Variants in ARHGAP19 observed in about 807,000 individuals in gnomAD.
ARHGAP19 encodes the protein rho GTPase-activating protein 19.
Under a neutral mutation model 60.9 loss-of-function variants are expected in ARHGAP19, and 48 were observed. That is an observed-to-expected ratio of 0.79 (90% CI 0.62 to 1.00). The LOEUF is 1.00. Ranked by LOEUF, ARHGAP19 falls within the 50% of genes least tolerant of loss-of-function variation. The pLI, the probability that ARHGAP19 is intolerant of heterozygous loss-of-function variation, is 0.00. For missense variants in ARHGAP19, 562 were observed against 597.2 expected (o/e 0.94, Z 0.61); for synonymous variants, 209 against 215.5 (o/e 0.97, Z 0.27).
intron 9 of ARHGAP19, among the ~76,000 whole-genome samples, chr10:97,232,365 G>A (rs1052656156): frequency 2.6e-5 from 4 of 151,752 alleles, no homozygotes; most frequent in East Asian, 1.9e-4. Context: ...GAGTTTCACC[G>A]TGTTAGCCAG....
At chr10:97,265,675 AT>A (rs1200924750) in intron 2 of ARHGAP19, 184 bp downstream of exon 2, 2 of 636,168 alleles carry the variant, frequency 3.1e-6, no homozygotes, top group African/African-American at 3.7e-5. Flanking sequence ...TTAATTATTT[AT>A]TTATCTAGAC....
In ARHGAP19 at chr10:97,225,315, AAC is replaced by A. The variant is rs1850875880; in HGVS notation, c.*805_*806del. The stretch of plus-strand genomic sequence containing the variant: ...TGAATGAAGATAACAAGTTCAGCAA[AAC>A]ACAATTATTTTCACATCACTGAGGA... On this transcript the variant is annotated 3_prime_UTR_variant, in exon 12 of 12. Coordinates refer to ENST00000358531, the MANE Select transcript of ARHGAP19 (RefSeq NM_032900.6). 1 of 152,232 alleles carries A rather than the reference AAC, an allele frequency of 6.6e-6. No homozygotes were observed. The highest frequency in any genetic ancestry group is 2.4e-5 in the African/African-American group (1 of 41,464). 9.4% of individuals were successfully genotyped at this position (152,232 alleles called of 1,614,324 possible).
At position 97,231,080 on chromosome 10, in the gene ARHGAP19, A is replaced by G. The variant is rs1371397441; in HGVS notation, c.1285-1206T>C. Among the ~76,000 whole-genome samples the G allele has an allele frequency of 2.7e-5, 4 of 148,688 alleles. 1 individual carries two copies. The highest frequency in any genetic ancestry group is 2.7e-4 in the Admixed American group (4 of 15,054). On this transcript the variant is annotated intron_variant, in intron 9 of 11. Transcript: ENST00000358531. ...TCACCAAAAAAAAAAAAAAAAAAAA[A>G]AAAAAAAAAGACTAACACATAGAGG... is the stretch of plus-strand genomic sequence containing the variant.
chr10:97,270,001 C>T (rs978629875), intron 1 of ARHGAP19, among the ~76,000 whole-genome samples: 1 of 152,106 alleles, frequency 6.6e-6, no homozygotes, highest in Admixed American at 6.6e-5. Context: ...ATCCTTCCTA[C>T]TTGGACATCA....
chr10:97,278,576 T>C (rs183292848), intron 1 of ARHGAP19, among the ~76,000 whole-genome samples: 87 of 152,224 alleles, frequency 5.7e-4, no homozygotes, highest in Non-Finnish European at 9.4e-4. Flanking sequence ...TGGCCTATCA[T>C]GTCAAAGTGG....
chr10:97,240,107 A>T (rs553388180), intron 8 of ARHGAP19, among the ~76,000 whole-genome samples: 44 of 151,918 alleles, frequency 2.9e-4, no homozygotes, highest in African/African-American at 9.7e-4. Context: ...ATTTAAGCAA[A>T]CTGGCAATGT....
At chr10:97,242,509 T>C (rs550540576) in intron 8 of ARHGAP19, among the ~76,000 whole-genome samples, 2 of 149,404 alleles carry the variant, frequency 1.3e-5, no homozygotes, top group Admixed American at 1.3e-4. Context: ...AATTTTTTTG[T>C]TTTGTTTTGT....
At chr10:97,250,369 T>C (rs1275300193) in intron 6 of ARHGAP19, among the ~76,000 whole-genome samples, 1 of 145,456 alleles carries the variant, frequency 6.9e-6, no homozygotes, top group African/African-American at 2.5e-5. Context: ...AAACATGATA[T>C]GTATAGTTTA....
At position 97,225,798 on chromosome 10, in the gene ARHGAP19, T is replaced by C. The variant is rs578069856; in HGVS notation, c.*324A>G. 2.4e-4 allele frequency: 66 copies of C among 271,652 alleles called. No individual in the cohort carries two copies. In the South Asian group the frequency reaches 6.8e-3, roughly 28 times the overall value. The allele number at this position is 271,652 out of a possible 1,614,324, so 16.8% of individuals were successfully genotyped here. On this transcript the variant is annotated 3_prime_UTR_variant, in exon 12 of 12. Coordinates refer to ENST00000358531, the MANE Select transcript of ARHGAP19 (RefSeq NM_032900.6). ...TTGAGCACACATTTCATATTTTTTT[T>C]CAAAAGTGGAATCTGCCTAAACACA...
In ARHGAP19 at chr10:97,283,435, T is replaced by G. The variant is rs139786690; in HGVS notation, c.56+9137A>C. Among the ~76,000 whole-genome samples the G allele has an allele frequency of 9.9e-3, 1,495 of 151,732 alleles. 33 individuals are homozygous for G. Among genetic ancestry groups the G allele is most frequent in the African/African-American group, 0.034 (1,415 of 41,368 alleles). On this transcript the variant is annotated intron_variant, in intron 1 of 11. Transcript: ENST00000358531. ...CCAGCATGGTGGCGCATGCCTGTAG[T>G]CCCAGCTACTCGGGAGGCCGAGGCA...
rs773840412 is a variant in ARHGAP19, at chr10:97,244,050, T to A, written c.1103A>T (p.His368Leu). Residue 368 changes from histidine (H) to leucine (L), a missense_variant, in exon 8 of 12, where the codon CAT becomes CTT. By Grantham distance (99) the His-to-Leu change is moderately conservative (BLOSUM62 -3). Coordinates refer to ENST00000358531, the MANE Select transcript of ARHGAP19 (RefSeq NM_032900.6). ...SCPHQEETQH[H>L]TEEALRELFQ... ...CAGCTCTCTCAGTGCCTCTTCCGTATGGTGCTGGGTCTCCTCCTGGTGAGG... is the reference window on the plus strand; with the variant it reads ...CAGCTCTCTCAGTGCCTCTTCCGTAAGGTGCTGGGTCTCCTCCTGGTGAGG... The A allele has an allele frequency of 3.1e-6, 5 of 1,614,118 alleles. No individual in the cohort carries two copies. In the South Asian group the frequency reaches 5.5e-5, roughly 18 times the overall value.
chr10:97,287,415 T>C (rs1374106729), intron 1 of ARHGAP19, among the ~76,000 whole-genome samples: 2 of 152,186 alleles, frequency 1.3e-5, no homozygotes, highest in African/African-American at 4.8e-5. Flanking sequence ...AAACATAACA[T>C]GGGAATCTTT....
At chr10:97,290,644 T>C (rs994949390) in intron 1 of ARHGAP19, among the ~76,000 whole-genome samples, 4 of 152,014 alleles carry the variant, frequency 2.6e-5, no homozygotes, top group Non-Finnish European at 5.9e-5. Context: ...CCCGGTAACA[T>C]TTTGGTGACC....
At position 97,229,874 on chromosome 10, in the gene ARHGAP19, G is replaced by GC; in HGVS notation, c.1285-1dup (p.Arg429AlafsTer26). On this transcript the variant is annotated frameshift_variant and splice_region_variant. Transcript: ENST00000358531. LOFTEE classifies it high-confidence loss of function. The stretch of plus-strand genomic sequence containing the variant: ...ATCATCTGATTTCCCAGGACCTTCC[G>GC]CTGATTTAAGAACAGAAAACATTTG... The GC allele has an allele frequency of 6.3e-7, 1 of 1,590,864 alleles. No individual in the cohort carries two copies. Among genetic ancestry groups the GC allele is most frequent in the East Asian group, 2.2e-5 (1 of 44,702 alleles).
chr10:97,237,380 T>C (rs574371916), intron 8 of ARHGAP19, among the ~76,000 whole-genome samples: 1 of 151,774 alleles, frequency 6.6e-6, no homozygotes, highest in African/African-American at 2.4e-5. Context: ...AGACCACGTA[T>C]ATGACAGTAG....
intron 1 of ARHGAP19, among the ~76,000 whole-genome samples, chr10:97,273,638 G>A (rs766663655): frequency 1.3e-5 from 2 of 151,530 alleles, no homozygotes; most frequent in Non-Finnish European, 2.9e-5. Flanking sequence ...ACAGGTGAGT[G>A]CCATTGTGCC....
chr10:97,240,571 A>C (rs956782716), intron 8 of ARHGAP19, among the ~76,000 whole-genome samples: 2 of 152,206 alleles, frequency 1.3e-5, no homozygotes, highest in Non-Finnish European at 2.9e-5. Flanking sequence ...GAATTGCTTG[A>C]GCCCAGGAGG....
intron 6 of ARHGAP19, among the ~76,000 whole-genome samples, chr10:97,248,168 C>T (rs1211903178): frequency 1.3e-5 from 2 of 151,960 alleles, no homozygotes; most frequent in African/African-American, 2.4e-5. Flanking sequence ...TTTCACCCCG[C>T]CTTTGGGAGG....
intron 1 of ARHGAP19, among the ~76,000 whole-genome samples, chr10:97,290,264 T>A (rs566196148): frequency 7.1e-6 from 1 of 140,126 alleles, no homozygotes; most frequent in African/African-American, 2.5e-5. Flanking sequence ...CGCCGCTGAC[T>A]CCCATCCCGC....
Sources: allele counts gnomAD v4.1 joint callset (sites outside exome capture counted in the v4.1 genomes callset), GRCh38; gene constraint gnomAD v4.1.1; transcripts MANE v1.5; gene names NCBI Gene and HGNC (gene_info 2026-07-23, HGNC 2026-07-21).